The following ZNF66 variants were observed in gnomAD, a reference collection of about 807,000 sequenced individuals.
The protein encoded by ZNF66 is putative zinc finger protein 66.
A neutral mutation model predicts 35.2 loss-of-function variants in ZNF66; 32 were observed. The observed-to-expected ratio is 0.91, with a 90% CI of 0.69 to 1.22. The LOEUF (loss-of-function observed/expected upper bound fraction) is 1.22, where lower values mean the gene tolerates loss of function less well. Ranked by LOEUF, ZNF66 falls within the 50% of genes most tolerant of loss-of-function variation. The probability of loss-of-function intolerance (pLI) is 0.00; values close to 1 mark genes in which losing one functional copy is unlikely to be tolerated. For synonymous variants in ZNF66, 231 were observed against 181.3 expected, an observed-to-expected ratio of 1.27 and a Z score of -2.20; for missense variants, 666 against 543.1, an observed-to-expected ratio of 1.23 and a Z score of -2.25.
In ZNF66 at chr19:20,807,214, G is replaced by T. The variant is rs771125528; in HGVS notation, c.1614G>T (p.Lys538Asn). ...KKIHTGGKPH[K>N]CNKCGKAFIS... ...TTCATACTGGAGGGAAACCACACAA[G>T]TGCAATAAATGTGGCAAAGCCTTTA... Residue 538 changes from lysine to asparagine, a missense_variant, in exon 4 of 4, where the codon AAG (lysine) becomes AAT (asparagine). Coordinates refer to ENST00000344519, the MANE Select transcript of ZNF66 (RefSeq NM_001355197.2). 9.8e-6 allele frequency: 6 copies of T among 613,388 alleles called. No individual in the cohort carries two copies. The highest frequency in any genetic ancestry group is 1.2e-5 in the Non-Finnish European group (4 of 337,330). The allele number at this position is 613,388 out of a possible 1,614,324, so 38.0% of individuals were successfully genotyped here. A position where few individuals can be genotyped will look rare whatever the true frequency, so the allele number is the denominator to read the frequency against.
intron 3 of ZNF66, among the ~76,000 whole-genome samples, chr19:20,796,022 T>C (rs1404544674): frequency 6.6e-6 from 1 of 152,170 alleles, no homozygotes; most frequent in Admixed American, 6.5e-5. Context: ...TTAGCAGCAT[T>C]TCACAACTCC....
chr19:20,799,061 C>CTTTTTTTTTTTTTT (rs374547894), intron 3 of ZNF66: 13 of 116,684 alleles, frequency 1.1e-4, no homozygotes, highest in Non-Finnish European at 1.5e-4. Context: ...CTTTTTCTTT[C>CTTTTTTTTTTTTTT]TTTCTTTTTT....
At chr19:20,794,410 A>T (rs564693617) in intron 3 of ZNF66, 1 of 151,908 alleles carries the variant, frequency 6.6e-6, no homozygotes, top group South Asian at 2.1e-4. Context: ...TTTCCTCAAG[A>T]TTGCTTTGGC....
chr19:20,793,332 C>CTTTTT (rs781748526), intron 2 of ZNF66, among the ~76,000 whole-genome samples: 29 of 84,586 alleles, frequency 3.4e-4, no homozygotes, highest in South Asian at 1.4e-3. Flanking sequence ...CTTTTCTTTT[C>CTTTTT]TTTTTTTTTT....
chr19:20,776,636 C>A (rs922850772), intron 1 of ZNF66, among the ~76,000 whole-genome samples, 186 bp downstream of exon 1: 18 of 152,200 alleles, frequency 1.2e-4, no homozygotes, highest in African/African-American at 3.9e-4. Flanking sequence ...CGCTTCCCCG[C>A]GCAGTGACTG....
At chr19:20,799,061 C>CTTTTTTTTTTT (rs374547894) in intron 3 of ZNF66, 30 of 116,684 alleles carry the variant, frequency 2.6e-4, no homozygotes, top group East Asian at 4.4e-4. Flanking sequence ...CTTTTTCTTT[C>CTTTTTTTTTTT]TTTCTTTTTT....
chr19:20,807,251 A>T lies in ZNF66; in HGVS notation c.1651A>T (p.Asn551Tyr). Residue 551 changes from asparagine to tyrosine, a missense_variant, in exon 4 of 4, where the codon AAC becomes TAC. Asn to Tyr is a moderately radical substitution (Grantham distance 143). Coordinates refer to ENST00000344519, the MANE Select transcript of ZNF66 (RefSeq NM_001355197.2). Reference protein sequence around the residue: ...KCGKAFISSSNLSRHEIIHMG... With the variant: ...KCGKAFISSSYLSRHEIIHMG... Reference sequence around the variant, plus strand: ...TGGCAAAGCCTTTATTTCATCCTCAAACCTTAGTAGACATGAGATAATTCA... The same window carrying T: ...TGGCAAAGCCTTTATTTCATCCTCATACCTTAGTAGACATGAGATAATTCA... 1.4e-6 allele frequency: 1 copy of T among 706,998 alleles called. No homozygotes were observed. Among genetic ancestry groups the T allele is most frequent in the Non-Finnish European group, 2.5e-6 (1 of 396,796 alleles). 43.8% of individuals were successfully genotyped at this position (706,998 alleles called of 1,614,324 possible).
Position 20,807,442 on chromosome 19 carries a change from G to T in ZNF66, c.*120G>T. ...ACTTTTACTAAATATGAGAATTTAT[G>T]GAACACAAACACTACAAATATAAAG... On this transcript the variant is annotated 3_prime_UTR_variant, in exon 4 of 4. Transcript: ENST00000344519. 2 of 541,934 alleles carry T rather than the reference G, an allele frequency of 3.7e-6. No homozygotes were observed. Among genetic ancestry groups the T allele is most frequent in the Non-Finnish European group, 6.5e-6 (2 of 306,096 alleles). The allele number at this position is 541,934 out of a possible 1,614,324, so 33.6% of individuals were successfully genotyped here.
intron 3 of ZNF66, among the ~76,000 whole-genome samples, chr19:20,803,982 A>G (rs1477105552): frequency 3.3e-5 from 5 of 152,120 alleles, no homozygotes; most frequent in African/African-American, 9.7e-5. Context: ...TATAAATGAC[A>G]CATCATTTTT....
intron 1 of ZNF66, among the ~76,000 whole-genome samples, chr19:20,778,240 C>A (rs1015921800): frequency 1.2e-4 from 18 of 152,090 alleles, no homozygotes; most frequent in Admixed American, 7.9e-4. Context: ...GCTGGGATTA[C>A]AGGTGTGTGT....
In ZNF66 at chr19:20,808,009, C is replaced by A. The variant is rs1599558262; in HGVS notation, c.*687C>A. 2.6e-5 allele frequency among the ~76,000 whole-genome samples: 4 copies of A among 152,290 alleles called. No individual in the cohort carries two copies. The highest frequency in any genetic ancestry group is 2.6e-4 in the Admixed American group (4 of 15,296). ...CCTGGAAAATTGGGTTACTCCCACC[C>A]TAATACTGCGCAATTCCAATGGGCT... On this transcript the variant is annotated 3_prime_UTR_variant, in exon 4 of 4. Transcript: ENST00000344519.
rs1971550905 is a variant in ZNF66 at position 20,808,570 on chromosome 19, A to G, written c.*1248A>G. On this transcript the variant is annotated 3_prime_UTR_variant, in exon 4 of 4. Transcript: ENST00000344519. Reference sequence around the variant, plus strand: ...CGCTGTTCTACAGCCACTGATGCTGATACCCAGGCAAACAGCGTCTGGAGT... The same window carrying G: ...CGCTGTTCTACAGCCACTGATGCTGGTACCCAGGCAAACAGCGTCTGGAGT... 6.6e-6 allele frequency among the ~76,000 whole-genome samples: 1 copy of G among 152,174 alleles called. No individual in the cohort carries two copies. The highest frequency in any genetic ancestry group is 2.4e-5 in the African/African-American group (1 of 41,442).
chr19:20,787,208 A>G (rs1971294578), intron 1 of ZNF66, among the ~76,000 whole-genome samples: 2 of 152,164 alleles, frequency 1.3e-5, no homozygotes, highest in Admixed American at 1.3e-4. Flanking sequence ...TCCTCTTGTA[A>G]TTGCTGCTAA....
intron 1 of ZNF66, among the ~76,000 whole-genome samples, chr19:20,791,207 G>A (rs1377300945): frequency 2.6e-5 from 4 of 152,014 alleles, no homozygotes; most frequent in Non-Finnish European, 4.4e-5. Context: ...TATTTAGGTC[G>A]GGCGTGGTGG....
chr19:20,799,675 C>T (rs1358461589), intron 3 of ZNF66, among the ~76,000 whole-genome samples: 1 of 152,118 alleles, frequency 6.6e-6, no homozygotes, highest in East Asian at 1.9e-4. Flanking sequence ...CAGTTTTCAA[C>T]ATCATTTTTT....
chr19:20,807,171 T>G lies in ZNF66; in HGVS notation c.1571T>G (p.Leu524Arg). 4 of 761,944 alleles carry G rather than the reference T, an allele frequency of 5.2e-6. No homozygotes were observed. Among genetic ancestry groups the G allele is most frequent in the Non-Finnish European group, 9.2e-6 (4 of 435,086 alleles). 47.2% of individuals were successfully genotyped at this position (761,944 alleles called of 1,614,324 possible). A position where few individuals can be genotyped will look rare whatever the true frequency, so the allele number is the denominator to read the frequency against. ...CGKDFKYSST[L>R]TRHKKIHTGG... is the part of the protein sequence containing the mutation. ...AAAGACTTTAAGTACTCCTCTACCC[T>G]TACTAGACATAAGAAAATTCATACT... is the stretch of plus-strand genomic sequence containing the variant. The change falls in exon 4 of 4, where the codon CTT (leucine) becomes CGT (arginine). Residue 524 changes from leucine (L) to arginine (R), a missense_variant. Transcript: ENST00000344519.
At chr19:20,786,762 T>TTTTG (rs945570425) in intron 1 of ZNF66, among the ~76,000 whole-genome samples, 1 of 152,162 alleles carries the variant, frequency 6.6e-6, no homozygotes, top group Non-Finnish European at 1.5e-5. Flanking sequence ...GACACTATAT[T>TTTTG]TTTGTTTGTT....
rs140402235 is a variant in ZNF66 at position 20,808,546 on chromosome 19, G to A, written c.*1224G>A. Among the ~76,000 whole-genome samples, 477 of 152,234 alleles carry A rather than the reference G, an allele frequency of 3.1e-3. 4 individuals carry two copies. The Middle Eastern group carries it at 0.058, about 18-fold the overall frequency. ...CAGCATTTGTGGTTCATGAAAATCC[G>A]CTGTTCTACAGCCACTGATGCTGAT... On this transcript the variant is annotated 3_prime_UTR_variant, in exon 4 of 4. Coordinates refer to ENST00000344519, the MANE Select transcript of ZNF66 (RefSeq NM_001355197.2).
At chr19:20,801,357 T>TTA (rs1555783379) in intron 3 of ZNF66, among the ~76,000 whole-genome samples, 1 of 152,178 alleles carries the variant, frequency 6.6e-6, no homozygotes, top group African/African-American at 2.4e-5. Flanking sequence ...TTATTTTATT[T>TTA]TTTGAGATGG....
Sources: gnomAD v4.1 joint callset for allele counts (sites outside exome capture counted in the v4.1 genomes callset) on GRCh38, gnomAD v4.1.1 for gene constraint, MANE v1.5 for transcripts, NCBI Gene and HGNC (gene_info 2026-07-23, HGNC 2026-07-21) for gene names.